The following ADCY5 variants were observed in gnomAD, a reference collection of about 807,000 sequenced individuals.
ADCY5 encodes adenylate cyclase 5.
In ADCY5, 30 loss-of-function variants were observed where a neutral mutation model predicts 119.7. The observed-to-expected ratio is 0.25, with a 90% CI of 0.19 to 0.34. The LOEUF is 0.34. ADCY5 is among the 10% of genes least tolerant of loss of function. The probability of loss-of-function intolerance (pLI) is 1.00; values close to 1 mark genes in which losing one functional copy is unlikely to be tolerated. For missense variants in ADCY5, 1,324 were observed against 1,775.2 expected, an observed-to-expected ratio of 0.75 and a Z score of 4.57; for synonymous variants, 753 against 762.2, an observed-to-expected ratio of 0.99 and a Z score of 0.20.
At chr3:123,413,337 C>T (rs1396553497) in intron 1 of ADCY5, among the ~76,000 whole-genome samples, 2 of 152,232 alleles carry the variant, frequency 1.3e-5, no homozygotes, top group African/African-American at 4.8e-5. Context: ...ATGGCTGAGC[C>T]ATGAGCTCAG....
rs115674110 is a variant in ADCY5 at position 123,353,020 on chromosome 3, G to A, written c.1135-439C>T. Among the ~76,000 whole-genome samples the A allele has an allele frequency of 3.4e-3, 522 of 152,254 alleles. 3 individuals are homozygous for A. The highest frequency in any genetic ancestry group is 6.8e-3 in the Middle Eastern group (2 of 294). On this transcript the variant is annotated intron_variant, in intron 1 of 20. Transcript: ENST00000462833. ...CCACCCTCCCCCAGAGATCAGCTCC[G>A]ATGAATCAAGGATTCTCGAATCCCC...
At chr3:123,437,739 C>T (rs561727297) in intron 1 of ADCY5, among the ~76,000 whole-genome samples, 1 of 152,188 alleles carries the variant, frequency 6.6e-6, no homozygotes, top group Admixed American at 6.5e-5. Context: ...CTGGAATGGT[C>T]CGACACTACT....
At chr3:123,440,372 AG>A (rs1945702981) in intron 1 of ADCY5, among the ~76,000 whole-genome samples, 1 of 152,218 alleles carries the variant, frequency 6.6e-6, no homozygotes, top group Non-Finnish European at 1.5e-5. Flanking sequence ...GTGGGCAGGG[AG>A]GGGGGCCTAT....
At chr3:123,380,183 G>A (rs1006990072) in intron 1 of ADCY5, among the ~76,000 whole-genome samples, 2 of 152,148 alleles carry the variant, frequency 1.3e-5, no homozygotes, top group Admixed American at 6.5e-5. Context: ...GAAAAAATAA[G>A]CCAGAAAAAT....
chr3:123,300,471 G>C (rs911871191), intron 14 of ADCY5, among the ~76,000 whole-genome samples, 176 bp from the exon 15 acceptor site: 2 of 152,248 alleles, frequency 1.3e-5, no homozygotes, highest in African/African-American at 4.8e-5. Flanking sequence ...TAGGAACCAG[G>C]AGATGGGCTC....
chr3:123,391,192 G>A (rs561902267), intron 1 of ADCY5, among the ~76,000 whole-genome samples: 1 of 152,196 alleles, frequency 6.6e-6, no homozygotes, highest in South Asian at 2.1e-4. Flanking sequence ...GGAGGAGACG[G>A]AAGGGAAAGG....
Position 123,293,903 on chromosome 3 carries a change from G to A in ADCY5, c.3063+2181C>T, listed in dbSNP as rs932230943. On this transcript the variant is annotated intron_variant, in intron 17 of 20. Transcript: ENST00000462833. ...CTCTCTACTACTAAGAATGAGGGAG[G>A]GCTCTTTGAAGAAATCACAGATTCC... Among the ~76,000 whole-genome samples, 3 of 152,152 alleles carry A rather than the reference G, an allele frequency of 2.0e-5. No individual in the cohort carries two copies. The East Asian group carries it at 5.8e-4, about 29-fold the overall frequency.
chr3:123,411,705 T>C (rs1398148013), intron 1 of ADCY5, among the ~76,000 whole-genome samples: 2 of 152,182 alleles, frequency 1.3e-5, no homozygotes, highest in African/African-American at 4.8e-5. Context: ...GGGGCAACAG[T>C]TGCTCCTGTC....
chr3:123,416,268 T>C, intron 1 of ADCY5: 2 of 1,536,132 alleles, frequency 1.3e-6, no homozygotes, highest in Non-Finnish European at 1.7e-6. Context: ...GAGACTTCAT[T>C]CCTCAGGACT....
chr3:123,319,205 T>G (rs1349083533), intron 10 of ADCY5, among the ~76,000 whole-genome samples: 2 of 151,598 alleles, frequency 1.3e-5, no homozygotes, highest in African/African-American at 4.9e-5. Context: ...AATACAAAAA[T>G]TAGCTGGGAG....
chr3:123,360,247 T>C (rs1406393293), intron 1 of ADCY5, among the ~76,000 whole-genome samples: 3 of 152,118 alleles, frequency 2.0e-5, no homozygotes, highest in Non-Finnish European at 2.9e-5. Context: ...GCCAGCTCTA[T>C]ACCACTGGCT....
chr3:123,292,885 T>C lies in ADCY5; in HGVS notation c.3064-1509A>G, dbSNP rs893316130. On this transcript the variant is annotated intron_variant, in intron 17 of 20. Coordinates refer to ENST00000462833, the MANE Select transcript of ADCY5 (RefSeq NM_183357.3). Reference sequence around the variant, plus strand: ...CGGATGCCAGAAGCACTACAGCTCCTTTGATGCACCCTGCAGGTGGCAGAC... The same window carrying C: ...CGGATGCCAGAAGCACTACAGCTCCCTTGATGCACCCTGCAGGTGGCAGAC... 4.6e-5 allele frequency among the ~76,000 whole-genome samples: 7 copies of C among 152,012 alleles called. No homozygotes were observed. The East Asian group carries it at 9.8e-4, about 21-fold the overall frequency.
chr3:123,430,328 G>A (rs887998132), intron 1 of ADCY5, among the ~76,000 whole-genome samples: 10 of 152,122 alleles, frequency 6.6e-5, no homozygotes, highest in African/African-American at 1.7e-4. Context: ...AGACACCATC[G>A]CATCCTCCGA....
intron 13 of ADCY5, 95 bp downstream of exon 13, chr3:123,303,972 A>G (rs886362018): frequency 2.3e-6 from 2 of 868,934 alleles, no homozygotes; most frequent in Non-Finnish European, 3.8e-6. Context: ...ACTTCCAGGG[A>G]AAGTCTCTCC....
At chr3:123,342,309 C>G (rs115560967) in intron 3 of ADCY5, among the ~76,000 whole-genome samples, 2,373 of 152,300 alleles carry the variant, frequency 0.016, 61 homozygotes, top group African/African-American at 0.054. Context: ...GAGCCAGACA[C>G]CAGAGCAACC....
At chr3:123,334,758 A>T (rs1015362333) in intron 3 of ADCY5, among the ~76,000 whole-genome samples, 3 of 152,214 alleles carry the variant, frequency 2.0e-5, no homozygotes, top group Admixed American at 6.5e-5. Flanking sequence ...ATAAATAAAT[A>T]AATAAATTAA....
intron 1 of ADCY5, chr3:123,419,096 T>G: frequency 1.1e-6 from 1 of 947,664 alleles, no homozygotes; most frequent in Non-Finnish European, 1.3e-6. Context: ...TTTCTATATG[T>G]CTATATAAAT....
chr3:123,371,526 T>C (rs1338621158), intron 1 of ADCY5, among the ~76,000 whole-genome samples: 2 of 152,240 alleles, frequency 1.3e-5, no homozygotes, highest in Non-Finnish European at 2.9e-5. Flanking sequence ...CTGGGTGCTT[T>C]ACCAGAGTAC....
chr3:123,404,716 T>G (rs1305912965), intron 1 of ADCY5, among the ~76,000 whole-genome samples: 2 of 152,218 alleles, frequency 1.3e-5, no homozygotes, highest in East Asian at 3.8e-4. Context: ...GGGTCCACTC[T>G]GAGTTCAGCA....
Sources: gnomAD v4.1 joint callset for allele counts (sites outside exome capture counted in the v4.1 genomes callset) on GRCh38, gnomAD v4.1.1 for gene constraint, MANE v1.5 for transcripts, NCBI Gene and HGNC (gene_info 2026-07-23, HGNC 2026-07-21) for gene names.